The following EPS8 variants were observed in gnomAD, a reference collection of about 807,000 sequenced individuals.
EPS8 encodes the protein EGFR pathway substrate 8, signaling adaptor.
EPS8 carries 42 observed loss-of-function variants against 103.8 expected under a neutral mutation model. The ratio of observed to expected loss-of-function variants is 0.40; its 90% CI spans 0.32 to 0.52. The LOEUF is 0.52. Ranked by LOEUF, EPS8 falls within the 20% of genes least tolerant of loss-of-function variation. The probability of loss-of-function intolerance (pLI) is 0.40; values close to 1 mark genes in which losing one functional copy is unlikely to be tolerated. For missense variants in EPS8, 969 were observed against 1,005.1 expected (o/e 0.96, Z 0.49); for synonymous variants, 344 against 344.6 (o/e 1.00, Z 0.02).
chr12:15,788,351 C>A (rs1947330800), intron 1 of EPS8, among the ~76,000 whole-genome samples: 2 of 152,164 alleles, frequency 1.3e-5, no homozygotes, highest in South Asian at 4.1e-4. Flanking sequence ...ATTTCAAATC[C>A]TAACCACGGC....
rs1010702179 is a variant in EPS8, at chr12:15,727,232, T to A, written c.-21-44260A>T. 6.6e-6 allele frequency among the ~76,000 whole-genome samples: 1 copy of A among 152,232 alleles called. No homozygotes were observed. The highest frequency in any genetic ancestry group is 2.1e-4 in the South Asian group (1 of 4,832). On this transcript the variant is annotated intron_variant, in intron 1 of 20. Transcript: ENST00000281172. The surrounding 1 kb of genome is among the most constrained non-coding windows in gnomAD (Gnocchi z 4.3). ...GATTACTTCCCTCGTGGATTTAATA[T>A]CTACCTTTATACGTAGGACTTTACA...
chr12:15,632,108 G>A (rs1485489696), intron 17 of EPS8, among the ~76,000 whole-genome samples: 2 of 151,946 alleles, frequency 1.3e-5, no homozygotes, highest in Non-Finnish European at 2.9e-5. Context: ...TTTTAATTTT[G>A]TTTCCAATAA....
At chr12:15,634,879 G>A (rs987980041) in intron 17 of EPS8, 2 of 392,516 alleles carry the variant, frequency 5.1e-6, no homozygotes, top group Admixed American at 4.4e-5. Flanking sequence ...TAGCCTGACA[G>A]TAAAATTACA....
At chr12:15,657,978 A>G in intron 12 of EPS8, 101 bp downstream of exon 12, 1 of 714,928 alleles carries the variant, frequency 1.4e-6, no homozygotes, top group Non-Finnish European at 2.5e-6. Context: ...AATAGTACCC[A>G]CGCAAGGTAA....
intron 3 of EPS8, among the ~76,000 whole-genome samples, chr12:15,675,560 C>T (rs911815496): frequency 5.3e-5 from 8 of 152,190 alleles, no homozygotes; most frequent in Admixed American, 1.3e-4. Context: ...GACTGTGCCA[C>T]GGCACTCCAG....
rs192859353 is a variant in EPS8 at position 15,747,951 on chromosome 12, C to T, written c.-22+41210G>A. Among the ~76,000 whole-genome samples the T allele has an allele frequency of 1.7e-3, 261 of 150,824 alleles. 2 individuals are homozygous for T. The highest frequency in any genetic ancestry group is 6.3e-3 in the African/African-American group (258 of 40,974). ...AGGAGAATCGCTTGAACCCGGGAGG[C>T]GGAGATTGCAGTGAGCCGAGATCAC... On this transcript the variant is annotated intron_variant, in intron 1 of 20. Transcript: ENST00000281172. This position sits in a 1 kb window ranked among gnomAD's most constrained non-coding sequence, Gnocchi z 4.4.
At chr12:15,665,972 T>C in intron 7 of EPS8, 80 bp from the exon 8 acceptor site, 1 of 1,421,042 alleles carries the variant, frequency 7.0e-7, no homozygotes, top group Non-Finnish European at 9.7e-7. Context: ...GTGGTACTAG[T>C]TATTAAAATT....
At chr12:15,623,388 C>T (rs1944892213) in intron 19 of EPS8, 101 bp from the exon 20 acceptor site, 4 of 1,046,184 alleles carry the variant, frequency 3.8e-6, no homozygotes, top group South Asian at 3.3e-5. Context: ...CTTTTCTAAG[C>T]GTTCCATACC....
At position 15,762,361 on chromosome 12, in the gene EPS8, T is replaced by C. The variant is rs1231376820; in HGVS notation, c.-22+26800A>G. ...GCGATGTAAATTACTGCAACCGCTA[T>C]GCAGAACAGTTTGGCGGTGCCTCAA... On this transcript the variant is annotated intron_variant, in intron 1 of 20. Transcript: ENST00000281172. This position sits in a 1 kb window ranked among gnomAD's most constrained non-coding sequence, Gnocchi z 4.8. Among the ~76,000 whole-genome samples the C allele has an allele frequency of 2.0e-5, 3 of 152,234 alleles. No individual in the cohort carries two copies. Among genetic ancestry groups the C allele is most frequent in the African/African-American group, 7.2e-5 (3 of 41,472 alleles).
chr12:15,715,898 C>T lies in EPS8; in HGVS notation c.-21-32926G>A, dbSNP rs1042901825. On this transcript the variant is annotated intron_variant, in intron 1 of 20. Transcript: ENST00000281172. ...AGGACATTAGGGAAAAAAAAAAACA[C>T]GGCAGGACACAGAAACTGAAGGGAG... 3.3e-5 allele frequency among the ~76,000 whole-genome samples: 5 copies of T among 150,072 alleles called. No individual in the cohort carries two copies. The East Asian group carries it at 7.8e-4, about 23-fold the overall frequency.
intron 12 of EPS8, among the ~76,000 whole-genome samples, chr12:15,656,219 G>T (rs1945505648): frequency 1.2e-5 from 1 of 84,424 alleles, no homozygotes; most frequent in South Asian, 6.4e-4. Context: ...AATACTCTAA[G>T]ATAGCATCAA....
intron 20 of EPS8, among the ~76,000 whole-genome samples, chr12:15,622,081 G>A (rs988267936): frequency 2.6e-5 from 4 of 152,162 alleles, no homozygotes; most frequent in African/African-American, 9.7e-5. Context: ...ATCCTGAAGT[G>A]GGTGGTGACA....
chr12:15,668,944 T>C (rs114321755), intron 6 of EPS8, among the ~76,000 whole-genome samples: 3,475 of 152,230 alleles, frequency 0.023, 123 homozygotes, highest in African/African-American at 0.077. Flanking sequence ...CAGGCTGGAG[T>C]GCAGAGGGGT....
At chr12:15,765,790 T>C (rs903203107) in intron 1 of EPS8, among the ~76,000 whole-genome samples, 4 of 151,798 alleles carry the variant, frequency 2.6e-5, no homozygotes, top group African/African-American at 9.7e-5. Flanking sequence ...ATATCTACTT[T>C]TGGAGAAAAG....
rs902543253 is a variant in EPS8, at chr12:15,771,653, C to T, written c.-22+17508G>A. 1.3e-5 allele frequency among the ~76,000 whole-genome samples: 2 copies of T among 151,496 alleles called. No homozygotes were observed. The highest frequency in any genetic ancestry group is 2.4e-5 in the African/African-American group (1 of 41,200). On this transcript the variant is annotated intron_variant, in intron 1 of 20. Coordinates refer to ENST00000281172, the MANE Select transcript of EPS8 (RefSeq NM_004447.6). The surrounding 1 kb of genome is among the most constrained non-coding windows in gnomAD (Gnocchi z 4.6). ...GTCATGGATGTGTTCTTCTAATGGG[C>T]TAGAAATTCTCCGTAGGATTGCACT...
chr12:15,663,944 A>AAAAAAAATAATAATAAT (rs1555112203), intron 8 of EPS8, among the ~76,000 whole-genome samples: 1 of 85,976 alleles, frequency 1.2e-5, no homozygotes, highest in East Asian at 3.6e-4. Context: ...AAAAAAAAAA[A>AAAAAAAATAATAATAAT]AATAATATAT....
At chr12:15,692,759 G>T in intron 1 of EPS8, among the ~76,000 whole-genome samples, 1 of 150,388 alleles carries the variant, frequency 6.6e-6, no homozygotes, top group East Asian at 1.9e-4. Flanking sequence ...CTACTTTCTG[G>T]GTAGCTTCCT....
At chr12:15,679,756 T>A (rs1191937111) in intron 3 of EPS8, among the ~76,000 whole-genome samples, 1 of 152,220 alleles carries the variant, frequency 6.6e-6, no homozygotes, top group Non-Finnish European at 1.5e-5. Flanking sequence ...AAATGGCACA[T>A]AGGCAACAGC....
At chr12:15,626,784 C>T (rs1397865234) in intron 18 of EPS8, among the ~76,000 whole-genome samples, 1 of 152,084 alleles carries the variant, frequency 6.6e-6, no homozygotes, top group East Asian at 1.9e-4. Context: ...CACTCTTGCT[C>T]CCAATGGCTC....
Sources: allele counts gnomAD v4.1 joint callset (sites outside exome capture counted in the v4.1 genomes callset), GRCh38; gene constraint gnomAD v4.1.1; non-coding constraint Gnocchi (gnomAD v3.1); transcripts MANE v1.5; gene names NCBI Gene and HGNC (gene_info 2026-07-23, HGNC 2026-07-21).